Variants in JKAMP observed in about 807,000 individuals in gnomAD.
JKAMP encodes the protein JNK1/MAPK8-associated membrane protein.
A neutral mutation model predicts 40.2 loss-of-function variants in JKAMP; 20 were observed. The ratio of observed to expected loss-of-function variants is 0.50; its 90% confidence interval spans 0.35 to 0.72. The LOEUF is 0.72. Among genes scored for constraint, JKAMP ranks in the 30% least tolerant of loss-of-function variants. The probability of loss-of-function intolerance (pLI) is 0.01; values close to 1 mark genes in which losing one functional copy is unlikely to be tolerated. For synonymous variants in JKAMP, 138 were observed against 131.6 expected (o/e 1.05, Z -0.33); for missense variants, 276 against 373.0 (o/e 0.74, Z 2.14).
At position 59,505,286 on chromosome 14, in the gene JKAMP, G is replaced by T. The variant is rs1892270620; in HGVS notation, c.*1214G>T. The T allele has an allele frequency of 1.3e-6, 2 of 1,509,438 alleles. No individual in the cohort carries two copies. The highest frequency in any genetic ancestry group is 2.8e-5 in the African/African-American group (2 of 72,578). The allele number at this position is 1,509,438 out of a possible 1,614,324, so 93.5% of individuals were successfully genotyped here. A position where few individuals can be genotyped will look rare whatever the true frequency, so the allele number is the denominator to read the frequency against. Reference sequence around the variant, plus strand: ...TCAGTACATTTAACCACTGGGAAATGAACCCTTGTACGAATGTGTTTCTTC... The same window carrying T: ...TCAGTACATTTAACCACTGGGAAATTAACCCTTGTACGAATGTGTTTCTTC... On this transcript the variant is annotated 3_prime_UTR_variant, in exon 7 of 7. Coordinates refer to ENST00000616435, the MANE Select transcript of JKAMP (RefSeq NM_016475.5).
At chr14:59,493,188 C>T (rs1891164150) in intron 3 of JKAMP, among the ~76,000 whole-genome samples, 2 of 152,084 alleles carry the variant, frequency 1.3e-5, no homozygotes, top group Non-Finnish European at 2.9e-5. Flanking sequence ...GAAAACACAT[C>T]CCAAGCAGAA....
At chr14:59,500,931 G>A (rs913484258) in intron 5 of JKAMP, 6 of 359,800 alleles carry the variant, frequency 1.7e-5, no homozygotes, top group African/African-American at 4.3e-5. Flanking sequence ...ATTCATGTAT[G>A]TATTCTCTAT....
chr14:59,502,670 A>G (rs1050012808), intron 6 of JKAMP, among the ~76,000 whole-genome samples: 5 of 151,802 alleles, frequency 3.3e-5, no homozygotes, highest in African/African-American at 1.2e-4. Context: ...TAGGAAAATT[A>G]GTTTTGGCGC....
chr14:59,494,049 C>T (rs1281192789), intron 3 of JKAMP, among the ~76,000 whole-genome samples: 1 of 151,990 alleles, frequency 6.6e-6, no homozygotes, highest in East Asian at 1.9e-4. Context: ...ACGTTAGGCA[C>T]AGAAATCTCT....
intron 6 of JKAMP, among the ~76,000 whole-genome samples, chr14:59,502,755 T>TGTTTTTTTTTCTTTGTTTTTGTGTTTTG (rs67189643): frequency 2.4e-5 from 3 of 122,918 alleles, no homozygotes; most frequent in Admixed American, 8.8e-5. Context: ...ATGAGATTTT[T>TGTTTTTTTTTCTTTGTTTTTGTGTTTTG]TTTTTTTTTT....
rs1566581042 is a variant in JKAMP at position 59,498,706 on chromosome 14, ATTCT to A, written c.459-18_459-15del. 3.2e-6 allele frequency: 4 copies of A among 1,269,358 alleles called. No homozygotes were observed. The highest frequency in any genetic ancestry group is 1.4e-5 in the South Asian group (1 of 71,530). The allele number at this position is 1,269,358 out of a possible 1,614,324, so 78.6% of individuals were successfully genotyped here. A position where few individuals can be genotyped will look rare whatever the true frequency, so the allele number is the denominator to read the frequency against. On this transcript the variant is annotated splice_polypyrimidine_tract_variant and intron_variant, in intron 4 of 6. Transcript: ENST00000616435. ...TTTTAAAACATTTTTGATGTTACAA[ATTCT>A]TTATTTTATTTTACAGATATACCAT...
At chr14:59,501,066 G>C (rs1370478908) in intron 5 of JKAMP, 125 bp from the exon 6 acceptor site, 1 of 625,404 alleles carries the variant, frequency 1.6e-6, no homozygotes, top group African/African-American at 1.9e-5. Flanking sequence ...ACCTTAGGTT[G>C]TAAGTCTCAC....
At chr14:59,497,959 A>G (rs1891573559) in intron 4 of JKAMP, among the ~76,000 whole-genome samples, 1 of 152,208 alleles carries the variant, frequency 6.6e-6, no homozygotes, top group Non-Finnish European at 1.5e-5. Flanking sequence ...AAATTAAGGT[A>G]GAACTATGTG....
chr14:59,495,936 C>G (rs967181926), intron 4 of JKAMP, among the ~76,000 whole-genome samples: 6 of 152,236 alleles, frequency 3.9e-5, no homozygotes, highest in African/African-American at 1.4e-4. Context: ...GAGTCTCGTT[C>G]TGTCACCCAG....
At chr14:59,484,990 A>G in intron 1 of JKAMP, 1 of 1,580,784 alleles carries the variant, frequency 6.3e-7, no homozygotes, top group Non-Finnish European at 8.5e-7. Flanking sequence ...TCAAACGTAG[A>G]TTTATAGCGC....
At chr14:59,502,755 T>TGTTTTTTTTTTTTTGTTTTTGG (rs67189643) in intron 6 of JKAMP, among the ~76,000 whole-genome samples, 1 of 122,918 alleles carries the variant, frequency 8.1e-6, no homozygotes, top group Non-Finnish European at 1.6e-5. Flanking sequence ...ATGAGATTTT[T>TGTTTTTTTTTTTTTGTTTTTGG]TTTTTTTTTT....
chr14:59,495,706 T>TG (rs1330267250), intron 4 of JKAMP, among the ~76,000 whole-genome samples: 3 of 152,192 alleles, frequency 2.0e-5, no homozygotes, highest in African/African-American at 7.2e-5. Context: ...TGATATTTTT[T>TG]GGGGGAAAGG....
At chr14:59,498,210 A>G (rs1161188805) in intron 4 of JKAMP, among the ~76,000 whole-genome samples, 1 of 152,210 alleles carries the variant, frequency 6.6e-6, no homozygotes, top group Admixed American at 6.5e-5. Context: ...TTAAGGCTAT[A>G]CTATGACATG....
At chr14:59,497,678 T>C (rs533846393) in intron 4 of JKAMP, among the ~76,000 whole-genome samples, 11 of 152,188 alleles carry the variant, frequency 7.2e-5, no homozygotes, top group Non-Finnish European at 1.5e-4. Context: ...CAGGAATGGA[T>C]AGATTTTGTT....
At chr14:59,500,307 T>A (rs1427823124) in intron 5 of JKAMP, among the ~76,000 whole-genome samples, 2 of 152,198 alleles carry the variant, frequency 1.3e-5, no homozygotes, top group Non-Finnish European at 2.9e-5. Context: ...ACATTTGAAA[T>A]TGTTCCAAAT....
intron 3 of JKAMP, 35 bp from the exon 4 acceptor site, chr14:59,494,983 T>C (rs765427777): frequency 1.3e-6 from 2 of 1,497,748 alleles, no homozygotes; most frequent in East Asian, 4.5e-5. Flanking sequence ...AATATTGCAA[T>C]TTTTCTAGTA....
At chr14:59,496,359 T>C (rs1443667435) in intron 4 of JKAMP, among the ~76,000 whole-genome samples, 1 of 151,698 alleles carries the variant, frequency 6.6e-6, no homozygotes, top group East Asian at 1.9e-4. Flanking sequence ...ATTACCCTCT[T>C]GTCATATAAC....
chr14:59,492,410 C>A (rs1005932891), intron 3 of JKAMP, among the ~76,000 whole-genome samples: 1 of 152,060 alleles, frequency 6.6e-6, no homozygotes, highest in Non-Finnish European at 1.5e-5. Flanking sequence ...TGGGAGTGGT[C>A]CAGGCTTAAA....
At chr14:59,496,012 T>C (rs1280024932) in intron 4 of JKAMP, among the ~76,000 whole-genome samples, 4 of 152,242 alleles carry the variant, frequency 2.6e-5, no homozygotes, top group East Asian at 3.8e-4. Context: ...CAAGTGATTC[T>C]TGTGCCTCAG....
Sources: allele counts gnomAD v4.1 joint callset (sites outside exome capture counted in the v4.1 genomes callset), GRCh38; gene constraint gnomAD v4.1.1; transcripts MANE v1.5; gene names NCBI Gene and HGNC (gene_info 2026-07-23, HGNC 2026-07-21).